The following TET3 variants were observed in gnomAD, a reference collection of about 807,000 sequenced individuals.
TET3 encodes methylcytosine dioxygenase TET3.
A neutral mutation model predicts 141.4 loss-of-function variants in TET3; 19 were observed. The observed-to-expected ratio is 0.13, with a 90% CI of 0.09 to 0.20. The LOEUF is 0.20. Among genes scored for constraint, TET3 ranks in the 10% least tolerant of loss-of-function variants. The pLI, the probability that TET3 is intolerant of heterozygous loss-of-function variation, is 1.00. For missense variants in TET3, 1,874 were observed against 2,356.9 expected (o/e 0.80, Z 4.24); for synonymous variants, 1,043 against 980.9 (o/e 1.06, Z -1.18).
At position 74,047,341 on chromosome 2, in the gene TET3, A is replaced by G. The variant is rs567186459; in HGVS notation, c.1424A>G (p.Gln475Arg). 1.2e-6 allele frequency: 2 copies of G among 1,614,010 alleles called. No individual in the cohort carries two copies. The highest frequency in any genetic ancestry group is 2.7e-5 in the African/African-American group (2 of 75,046). The change falls in exon 4 of 12, where the codon CAG becomes CGG. Residue 475 changes from glutamine to arginine, a missense_variant. Physicochemically the swap from Gln to Arg is conservative, Grantham distance 43. Around this residue, in one of 10 missense-constraint regions of TET3, gnomAD observed 484 missense variants for 462.2 expected, o/e 1.05. Transcript: ENST00000409262. ...QLLGSASDYI[Q>R]SVFKRPEALP... ...TTGGGCAGCGCCAGTGATTACATCC[A>G]GTCAGTATTCAAGCGGCCTGAGGCC...
chr2:74,133,132 T>G, the TET3 span, among the ~76,000 whole-genome samples: 3 of 151,096 alleles, frequency 2.0e-5, no homozygotes, highest in African/African-American at 7.3e-5. Flanking sequence ...CAGGCTGGTC[T>G]TGAACTCCTG....
At chr2:74,053,025 C>T (rs1188261872) in intron 4 of TET3, among the ~76,000 whole-genome samples, 3 of 152,114 alleles carry the variant, frequency 2.0e-5, no homozygotes, top group Non-Finnish European at 2.9e-5. Context: ...GAATGGGACT[C>T]ATATGGATTT....
At chr2:74,118,785 C>T in the TET3 span, among the ~76,000 whole-genome samples, 234 of 152,312 alleles carry the variant, frequency 1.5e-3, no homozygotes, top group South Asian at 2.9e-3. Context: ...GACACTTCTC[C>T]TGTAAATACT....
Position 73,986,763 on chromosome 2 carries a change from G to C in TET3, c.303+57G>C, listed in dbSNP as rs181524499. 47 of 1,225,654 alleles carry C rather than the reference G, an allele frequency of 3.8e-5. No individual in the cohort carries two copies. In the East Asian group the frequency reaches 1.0e-3, roughly 27 times the overall value. The allele number at this position is 1,225,654 out of a possible 1,614,324, so 75.9% of individuals were successfully genotyped here. A position where few individuals can be genotyped will look rare whatever the true frequency, so the allele number is the denominator to read the frequency against. ...CTTCCTCGAGGGCACGGTGATCACGGGGGTCTTGTTCAAGCAAGGCTCGTC... is the reference window on the plus strand; with the variant it reads ...CTTCCTCGAGGGCACGGTGATCACGCGGGTCTTGTTCAAGCAAGGCTCGTC... On this transcript the variant is annotated intron_variant, in intron 2 of 11. Coordinates refer to ENST00000409262, the MANE Select transcript of TET3 (RefSeq NM_001287491.2).
At chr2:74,076,172 C>T (rs1231926286) in intron 5 of TET3, among the ~76,000 whole-genome samples, 2 of 150,850 alleles carry the variant, frequency 1.3e-5, no homozygotes, top group African/African-American at 4.9e-5. Flanking sequence ...TTTTTTTTTA[C>T]CCCCTGATTC....
At chr2:74,043,017 C>G (rs1334487782) in intron 3 of TET3, among the ~76,000 whole-genome samples, 1 of 152,170 alleles carries the variant, frequency 6.6e-6, no homozygotes, top group Non-Finnish European at 1.5e-5. Context: ...ATTCACACAC[C>G]AAAAATAACT....
chr2:74,022,339 A>G (rs1211065546), intron 3 of TET3, among the ~76,000 whole-genome samples: 2 of 151,692 alleles, frequency 1.3e-5, no homozygotes, highest in African/African-American at 4.8e-5. Flanking sequence ...AGACAGCTTC[A>G]TGTATTAGTG....
chr2:74,018,142 T>C (rs1382256927), intron 3 of TET3, among the ~76,000 whole-genome samples: 1 of 151,992 alleles, frequency 6.6e-6, no homozygotes, highest in Non-Finnish European at 1.5e-5. Context: ...TAATTTTGTA[T>C]TTTTAGTAGA....
At chr2:74,133,237 C>T in the TET3 span, among the ~76,000 whole-genome samples, 1 of 152,286 alleles carries the variant, frequency 6.6e-6, no homozygotes, top group African/African-American at 2.4e-5. Context: ...TTCAACCCGT[C>T]TGTCAATAAG....
At chr2:73,993,514 G>T (rs1229250400) in intron 2 of TET3, 1 of 152,308 alleles carries the variant, frequency 6.6e-6, no homozygotes, top group Admixed American at 6.5e-5. Flanking sequence ...AGCCAGTGGG[G>T]TGGAGGGCGG....
the TET3 span, among the ~76,000 whole-genome samples, chr2:74,126,637 G>A: frequency 1.3e-5 from 2 of 151,644 alleles, no homozygotes; most frequent in Non-Finnish European, 2.9e-5. Flanking sequence ...ACGTAGCTGG[G>A]ACTACAGGCA....
At position 73,986,325 on chromosome 2, in the gene TET3, C is replaced by T. The variant is rs1162458127; in HGVS notation, c.-79C>T. ...TCTTGACTGTTCTAGGCGAGAAGGA[C>T]CTGTTGGTGGCCTTTGGAGGTGGCA... On this transcript the variant is annotated 5_prime_UTR_variant, in exon 2 of 12. Transcript: ENST00000409262. 13 of 1,194,140 alleles carry T rather than the reference C, an allele frequency of 1.1e-5. No homozygotes were observed. The highest frequency in any genetic ancestry group is 1.4e-5 in the Non-Finnish European group (13 of 954,172). 74.0% of individuals were successfully genotyped at this position (1,194,140 alleles called of 1,614,324 possible). A position where few individuals can be genotyped will look rare whatever the true frequency, so the allele number is the denominator to read the frequency against.
At position 74,047,412 on chromosome 2, in the gene TET3, C is replaced by A. The variant is rs1328774246; in HGVS notation, c.1495C>A (p.Pro499Thr). The A allele has an allele frequency of 6.2e-7, 1 of 1,612,524 alleles. No homozygotes were observed. Among genetic ancestry groups the A allele is most frequent in the Non-Finnish European group, 8.5e-7 (1 of 1,179,622 alleles). Residue 499 changes from proline (P) to threonine (T), a missense_variant, in exon 4 of 12, where the codon CCG becomes ACG. Pro to Thr is a conservative substitution (Grantham distance 38). This residue lies in a region of TET3 where 484 missense variants were observed against 462.2 expected (regional missense o/e 1.05). Transcript: ENST00000409262. ...KVKVEAPSSS[P>T]APAPSPVLQR... ...CAAGGTGGAGGCACCCTCTTCCTCCCCGGCCCCGGCCCCATCCCCTGTACT... is the reference window on the plus strand; with the variant it reads ...CAAGGTGGAGGCACCCTCTTCCTCCACGGCCCCGGCCCCATCCCCTGTACT...
chr2:74,098,814 G>A (rs566413015), intron 10 of TET3, among the ~76,000 whole-genome samples: 45 of 152,186 alleles, frequency 3.0e-4, no homozygotes, highest in African/African-American at 1.0e-3. Flanking sequence ...GGCTAGTCTC[G>A]ACCTCCTGAC....
At position 74,093,534 on chromosome 2, in the gene TET3, C is replaced by T; in HGVS notation, c.3135C>T (p.Thr1045=). Residue 1045 remains threonine, a synonymous_variant, in exon 10 of 12, where the codon ACC becomes ACT. Transcript: ENST00000409262. This position sits in a 1 kb window ranked among gnomAD's most constrained non-coding sequence, Gnocchi z 4.2. The part of the protein sequence containing the change: ...LAPQAYQNQV[T]NEEIAIDCRL... The stretch of plus-strand genomic sequence containing the variant: ...CTCCTTGGCTGTCTACACAGGTGAC[C>T]AACGAGGAAATAGCGATTGACTGCC... 2.5e-6 allele frequency: 4 copies of T among 1,608,018 alleles called. No individual in the cohort carries two copies. The highest frequency in any genetic ancestry group is 2.5e-6 in the Non-Finnish European group (3 of 1,176,478).
rs747360566 is a variant in TET3, at chr2:74,099,326, G to A, written c.3318G>A (p.Glu1106=). ...EDNRCVGKIP[E]DEQLHVLPLY... ...ATCGCTGCGTGGGCAAGATTCCCGA[G>A]GATGAGCAGCTGCATGTTCTCCCCC... Residue 1106 remains glutamate (E), a synonymous_variant, in exon 11 of 12, where the codon GAG becomes GAA. Coordinates refer to ENST00000409262, the MANE Select transcript of TET3 (RefSeq NM_001287491.2). 1.2e-6 allele frequency: 2 copies of A among 1,612,680 alleles called. No homozygotes were observed. Among genetic ancestry groups the A allele is most frequent in the South Asian group, 1.1e-5 (1 of 90,734 alleles).
At chr2:74,126,500 A>ATTTTTTTTT in the TET3 span, among the ~76,000 whole-genome samples, 2 of 120,966 alleles carry the variant, frequency 1.7e-5, no homozygotes, top group Non-Finnish European at 3.3e-5. Flanking sequence ...TATTTGCTGG[A>ATTTTTTTTT]TTTTTTTTTT....
At chr2:74,110,456 C>T (rs770544874), downstream of TET3, among the ~76,000 whole-genome samples, 2 of 152,126 alleles carry the variant, frequency 1.3e-5, no homozygotes, top group Non-Finnish European at 2.9e-5. Flanking sequence ...GGGCATTCAA[C>T]GTCCCATGTC....
intron 2 of TET3, among the ~76,000 whole-genome samples, chr2:73,992,703 T>G (rs1371988015): frequency 6.6e-6 from 1 of 152,168 alleles, no homozygotes; most frequent in Non-Finnish European, 1.5e-5. Flanking sequence ...GGAATTATGA[T>G]GATTGAAAGA....
Sources: gnomAD v4.1 joint callset for allele counts (sites outside exome capture counted in the v4.1 genomes callset) on GRCh38, gnomAD v4.1.1 for gene constraint, gnomAD v4.1.1 regional missense constraint, Gnocchi (gnomAD v3.1) non-coding constraint, MANE v1.5 for transcripts, NCBI Gene and HGNC (gene_info 2026-07-23, HGNC 2026-07-21) for gene names.